BRINP3: variants seen among roughly 807,000 people sequenced by gnomAD.
BRINP3 encodes BMP/retinoic acid inducible neural specific 3.
In BRINP3, 19 loss-of-function variants were observed where a neutral mutation model predicts 71.0. The ratio of observed to expected loss-of-function variants is 0.27; its 90% CI spans 0.19 to 0.39. The LOEUF (loss-of-function observed/expected upper bound fraction) is 0.39. BRINP3 is among the 10% of genes least tolerant of loss of function. BRINP3 has a pLI of 1.00. For synonymous variants in BRINP3, 380 were observed against 337.7 expected (o/e 1.13, Z -1.37); for missense variants, 959 against 940.8 (o/e 1.02, Z -0.25).
intron 2 of BRINP3, among the ~76,000 whole-genome samples, chr1:190,328,011 C>T (rs774704652): frequency 6.6e-6 from 1 of 152,066 alleles, no homozygotes; most frequent in Non-Finnish European, 1.5e-5. Flanking sequence ...CACACAATTA[C>T]ATGGAAATTA....
At chr1:190,157,411 C>CGTTCCTTG (rs1188011783) in intron 7 of BRINP3, among the ~76,000 whole-genome samples, 3 of 152,002 alleles carry the variant, frequency 2.0e-5, no homozygotes, top group African/African-American at 7.2e-5. Context: ...CAATGATTGC[C>CGTTCCTTG]GTTCCTTGAG....
At chr1:190,450,814 C>T (rs967033078) in intron 2 of BRINP3, among the ~76,000 whole-genome samples, 2 of 151,874 alleles carry the variant, frequency 1.3e-5, no homozygotes, top group Middle Eastern at 3.5e-3. Flanking sequence ...CATATGGATA[C>T]CCATATAAAG....
At chr1:190,197,010 G>A (rs1436046427) in intron 6 of BRINP3, among the ~76,000 whole-genome samples, 8 of 151,572 alleles carry the variant, frequency 5.3e-5, no homozygotes, top group South Asian at 2.1e-4. Context: ...TAAAGTCATA[G>A]GAGCGACCTG....
At chr1:190,369,920 C>T (rs1454957048) in intron 2 of BRINP3, among the ~76,000 whole-genome samples, 2 of 152,038 alleles carry the variant, frequency 1.3e-5, no homozygotes, top group Non-Finnish European at 2.9e-5. Flanking sequence ...TATACATTTG[C>T]ACTTTTGCAA....
chr1:190,459,870 A>G (rs976287427), intron 1 of BRINP3, among the ~76,000 whole-genome samples: 3 of 152,086 alleles, frequency 2.0e-5, no homozygotes, highest in Admixed American at 6.6e-5. Flanking sequence ...AAACTCTTAC[A>G]TATCTGTCAG....
At chr1:190,344,434 A>G (rs1416170882) in intron 2 of BRINP3, among the ~76,000 whole-genome samples, 1 of 149,808 alleles carries the variant, frequency 6.7e-6, no homozygotes, top group Non-Finnish European at 1.5e-5. Context: ...ATTGGCCATC[A>G]ACAACAGTAC....
At chr1:190,374,174 T>TAGGA (rs1282836015) in intron 2 of BRINP3, among the ~76,000 whole-genome samples, 1 of 152,078 alleles carries the variant, frequency 6.6e-6, no homozygotes, top group Non-Finnish European at 1.5e-5. Context: ...CAAATTATAC[T>TAGGA]AGGAACAATG....
At chr1:190,267,593 G>GT (rs1351511464) in intron 3 of BRINP3, among the ~76,000 whole-genome samples, 8 of 151,998 alleles carry the variant, frequency 5.3e-5, no homozygotes, top group Non-Finnish European at 1.0e-4. Flanking sequence ...GGTGTTCGTT[G>GT]TTTTTTAAAA....
chr1:190,374,420 T>A (rs1423187184), intron 2 of BRINP3, among the ~76,000 whole-genome samples: 1 of 152,138 alleles, frequency 6.6e-6, no homozygotes, highest in African/African-American at 2.4e-5. Flanking sequence ...ACCATTATTA[T>A]CCAACACAGT....
At chr1:190,358,521 G>A (rs537028463) in intron 2 of BRINP3, among the ~76,000 whole-genome samples, 59 of 152,288 alleles carry the variant, frequency 3.9e-4, no homozygotes, top group Admixed American at 1.0e-3. Context: ...AACAGGTGCT[G>A]GAGAGGATGT....
chr1:190,271,035 G>T (rs1411437298), intron 3 of BRINP3, among the ~76,000 whole-genome samples: 1 of 151,602 alleles, frequency 6.6e-6, no homozygotes. Flanking sequence ...TCCTGGAGAT[G>T]CAAGAAAGCC....
At chr1:190,321,927 T>C (rs1402477758) in intron 2 of BRINP3, among the ~76,000 whole-genome samples, 1 of 152,026 alleles carries the variant, frequency 6.6e-6, no homozygotes, top group African/African-American at 2.4e-5. Context: ...AGAAAAAGTA[T>C]AAGCCTACAA....
intron 2 of BRINP3, among the ~76,000 whole-genome samples, chr1:190,301,204 CATAT>C (rs369121473): frequency 0.018 from 1,937 of 106,290 alleles, 65 homozygotes; most frequent in African/African-American, 0.057. Context: ...TATACACATA[CATAT>C]ATATATATAT....
chr1:190,375,000 A>C (rs1368716210), intron 2 of BRINP3, among the ~76,000 whole-genome samples: 2 of 152,060 alleles, frequency 1.3e-5, no homozygotes, highest in East Asian at 3.9e-4. Flanking sequence ...CTGGATAAAC[A>C]GACAAATAGA....
At chr1:190,214,859 A>T (rs1332469874) in intron 6 of BRINP3, among the ~76,000 whole-genome samples, 1 of 151,976 alleles carries the variant, frequency 6.6e-6, no homozygotes, top group Non-Finnish European at 1.5e-5. Flanking sequence ...AGACCATCTC[A>T]GATTGACTTA....
At chr1:190,429,463 T>C (rs577469657) in intron 2 of BRINP3, among the ~76,000 whole-genome samples, 1 of 152,192 alleles carries the variant, frequency 6.6e-6, no homozygotes, top group South Asian at 2.1e-4. Context: ...GATGAAAACT[T>C]ACTTTTCAGC....
intron 5 of BRINP3, among the ~76,000 whole-genome samples, chr1:190,228,805 T>C (rs1242336877): frequency 6.6e-6 from 1 of 151,526 alleles, no homozygotes; most frequent in Admixed American, 6.6e-5. Context: ...TTTTTTCTGC[T>C]ATGTACAGAA....
rs560583164 is a variant in BRINP3, at chr1:190,374,114, G to A, written c.236+80541C>T. Among the ~76,000 whole-genome samples, 3 of 151,882 alleles carry A rather than the reference G, an allele frequency of 2.0e-5. No homozygotes were observed. The South Asian group carries it at 6.3e-4, about 32-fold the overall frequency. ...AATTTACCTGGAAGAATTGTTTTAGGGTTCAAGATTATAATCTATGTGAGA... is the reference window on the plus strand; with the variant it reads ...AATTTACCTGGAAGAATTGTTTTAGAGTTCAAGATTATAATCTATGTGAGA... On this transcript the variant is annotated intron_variant, in intron 2 of 7. Transcript: ENST00000367462.
intron 5 of BRINP3, among the ~76,000 whole-genome samples, chr1:190,227,680 A>C (rs2102708219): frequency 6.6e-6 from 1 of 152,046 alleles, no homozygotes; most frequent in Non-Finnish European, 1.5e-5. Context: ...TATAGTTTTC[A>C]ATATTGAGTG....
Sources: gnomAD v4.1 joint callset for allele counts (sites outside exome capture counted in the v4.1 genomes callset) on GRCh38, gnomAD v4.1.1 for gene constraint, MANE v1.5 for transcripts, NCBI Gene and HGNC (gene_info 2026-07-23, HGNC 2026-07-21) for gene names.